Variants in TBC1D19 observed in about 807,000 individuals in gnomAD.
TBC1D19 encodes the protein TBC1 domain family, member 19.
Under a neutral mutation model 89.0 loss-of-function variants are expected in TBC1D19, and 60 were observed. The ratio of observed to expected loss-of-function variants is 0.67; its 90% CI spans 0.55 to 0.84. The LOEUF is 0.84. Ranked by LOEUF, TBC1D19 falls within the 40% of genes least tolerant of loss-of-function variation. TBC1D19 has a pLI of 0.00. For missense variants in TBC1D19, 500 were observed against 610.8 expected (o/e 0.82, Z 1.91); for synonymous variants, 189 against 199.7 (o/e 0.95, Z 0.45).
intron 13 of TBC1D19, among the ~76,000 whole-genome samples, chr4:26,714,624 A>G (rs1053379659): frequency 6.6e-6 from 1 of 152,096 alleles, no homozygotes; most frequent in Non-Finnish European, 1.5e-5. Flanking sequence ...CTTCTTTAAG[A>G]AAAAGAATAT....
chr4:26,778,575 T>G, the TBC1D19 span, among the ~76,000 whole-genome samples: 1 of 152,176 alleles, frequency 6.6e-6, no homozygotes. Context: ...ACTATGAATC[T>G]TTAGGTCTTT....
At chr4:26,599,815 G>A (rs1011148190) in intron 1 of TBC1D19, among the ~76,000 whole-genome samples, 1 of 151,944 alleles carries the variant, frequency 6.6e-6, no homozygotes, top group African/African-American at 2.4e-5. Flanking sequence ...GGGTATGGTG[G>A]CGTGCATCTG....
At chr4:26,668,980 AATAC>A (rs1288501011) in intron 9 of TBC1D19, among the ~76,000 whole-genome samples, 3 of 83,122 alleles carry the variant, frequency 3.6e-5, no homozygotes, top group Non-Finnish European at 7.3e-5. Flanking sequence ...ATTTATTTTA[AATAC>A]ATACACACAC....
At chr4:26,625,506 C>T (rs9994237) in intron 4 of TBC1D19, among the ~76,000 whole-genome samples, 250 of 152,234 alleles carry the variant, frequency 1.6e-3, no homozygotes, top group African/African-American at 5.7e-3. Flanking sequence ...TTGGTTGATA[C>T]ATTATTATGA....
At chr4:26,593,426 T>G (rs1739965572) in intron 1 of TBC1D19, among the ~76,000 whole-genome samples, 1 of 152,176 alleles carries the variant, frequency 6.6e-6, no homozygotes, top group Admixed American at 6.5e-5. Flanking sequence ...GACATAGGCA[T>G]GGGCAAGGAC....
chr4:26,838,508 G>A, the TBC1D19 span, among the ~76,000 whole-genome samples: 2 of 152,280 alleles, frequency 1.3e-5, no homozygotes, highest in African/African-American at 2.4e-5. Flanking sequence ...AGCATCGCTT[G>A]TGTTCTTACA....
At chr4:26,591,605 A>T (rs1739813767) in intron 1 of TBC1D19, among the ~76,000 whole-genome samples, 1 of 152,208 alleles carries the variant, frequency 6.6e-6, no homozygotes, top group South Asian at 2.1e-4. Context: ...GCTAATAAAG[A>T]AGAAAAGAGA....
chr4:26,654,159 C>A (rs1302923269), intron 7 of TBC1D19, among the ~76,000 whole-genome samples: 2 of 152,156 alleles, frequency 1.3e-5, no homozygotes, highest in Non-Finnish European at 2.9e-5. Context: ...ATATGAAATT[C>A]TGGGTTGAAA....
At chr4:26,836,865 C>G in the TBC1D19 span, among the ~76,000 whole-genome samples, 3 of 152,196 alleles carry the variant, frequency 2.0e-5, no homozygotes, top group Non-Finnish European at 4.4e-5. Flanking sequence ...TTTTCTTGCT[C>G]CTTTAACCCC....
the TBC1D19 span, among the ~76,000 whole-genome samples, chr4:26,784,684 C>T: frequency 5.9e-5 from 9 of 152,292 alleles, no homozygotes; most frequent in South Asian, 2.1e-4. Context: ...TGCTTTCCTC[C>T]GCCTACAAAG....
intron 13 of TBC1D19, 83 bp from the exon 14 acceptor site, chr4:26,717,850 G>A: frequency 9.1e-7 from 1 of 1,101,880 alleles, no homozygotes; most frequent in Non-Finnish European, 1.4e-6. Flanking sequence ...GAACTTGAAG[G>A]ATGCCTCCTG....
chr4:26,831,843 G>C, the TBC1D19 span, among the ~76,000 whole-genome samples: 1 of 151,916 alleles, frequency 6.6e-6, no homozygotes, highest in South Asian at 2.1e-4. Flanking sequence ...TGCCCACCTC[G>C]GCAGATCAAA....
chr4:26,710,494 G>A (rs556943965), intron 13 of TBC1D19, among the ~76,000 whole-genome samples: 288 of 152,186 alleles, frequency 1.9e-3, no homozygotes, highest in African/African-American at 6.4e-3. Context: ...ATAAACATAC[G>A]TGTGCATGTG....
chr4:26,625,812 A>G (rs1040264077), intron 4 of TBC1D19, among the ~76,000 whole-genome samples: 2 of 152,124 alleles, frequency 1.3e-5, no homozygotes, highest in Admixed American at 1.3e-4. Context: ...TGCCATTTAC[A>G]TTTATCACAT....
intron 8 of TBC1D19, among the ~76,000 whole-genome samples, chr4:26,666,032 G>A (rs1711776470): frequency 1.3e-5 from 2 of 151,724 alleles, no homozygotes; most frequent in Admixed American, 6.6e-5. Flanking sequence ...ATATGTTTGT[G>A]TCTTTCCCAT....
At chr4:26,776,120 A>G in the TBC1D19 span, among the ~76,000 whole-genome samples, 5 of 152,176 alleles carry the variant, frequency 3.3e-5, no homozygotes, top group Non-Finnish European at 5.9e-5. Flanking sequence ...CAAAGAAGTC[A>G]TGGTATCTTT....
intron 15 of TBC1D19, among the ~76,000 whole-genome samples, chr4:26,733,035 C>T (rs777654644): frequency 1.3e-5 from 2 of 152,072 alleles, no homozygotes; most frequent in Non-Finnish European, 2.9e-5. Context: ...AATTGATACA[C>T]AACATAAAAT....
intron 4 of TBC1D19, among the ~76,000 whole-genome samples, chr4:26,636,912 G>C (rs1429607488): frequency 1.3e-5 from 2 of 151,918 alleles, no homozygotes; most frequent in Non-Finnish European, 2.9e-5. Context: ...TCCATATAAT[G>C]TTTATTACCA....
At chr4:26,841,949 T>G in the TBC1D19 span, among the ~76,000 whole-genome samples, 1 of 152,194 alleles carries the variant, frequency 6.6e-6, no homozygotes, top group African/African-American at 2.4e-5. Flanking sequence ...AAAATCTTTA[T>G]TTAGAGCAAT....
Sources: gnomAD v4.1 joint callset for allele counts (sites outside exome capture counted in the v4.1 genomes callset) on GRCh38, gnomAD v4.1.1 for gene constraint, MANE v1.5 for transcripts, NCBI Gene and HGNC (gene_info 2026-07-23, HGNC 2026-07-21) for gene names.